The following HSPA14 variants were observed in gnomAD, a reference collection of about 807,000 sequenced individuals.
HSPA14 encodes heat shock 70 kDa protein 14.
Under a neutral mutation model 65.5 loss-of-function variants are expected in HSPA14, and 37 were observed. The ratio of observed to expected loss-of-function variants is 0.56; its 90% CI spans 0.43 to 0.74. The LOEUF is 0.74. HSPA14 is among the 30% of genes least tolerant of loss of function. The pLI is 0.00. For missense variants in HSPA14, 564 were observed against 607.6 expected (o/e 0.93, Z 0.75); for synonymous variants, 203 against 214.2 (o/e 0.95, Z 0.46).
At chr10:14,845,056 A>G (rs1367636416) in intron 3 of HSPA14, 1 of 985,312 alleles carries the variant, frequency 1.0e-6, no homozygotes, top group Admixed American at 6.2e-5. Context: ...GATGGTGTGG[A>G]TAAAGATTGC....
At chr10:14,865,362 A>G (rs1832796219) in intron 10 of HSPA14, among the ~76,000 whole-genome samples, 1 of 151,280 alleles carries the variant, frequency 6.6e-6, no homozygotes, top group Admixed American at 6.6e-5. Context: ...TTTTGTTGCC[A>G]TTGCTTTTGG....
At chr10:14,871,095 A>G (rs1196429291) in intron 13 of HSPA14, among the ~76,000 whole-genome samples, 1 of 152,236 alleles carries the variant, frequency 6.6e-6, no homozygotes, top group Non-Finnish European at 1.5e-5. Context: ...AGCTATCCAT[A>G]TCACTATGTA....
rs747935446 is a variant in HSPA14 at position 14,848,686 on chromosome 10, G to A, written c.270+29G>A. On this transcript the variant is annotated intron_variant, in intron 4 of 13. Coordinates refer to ENST00000378372, the MANE Select transcript of HSPA14 (RefSeq NM_016299.4). The stretch of plus-strand genomic sequence containing the variant: ...AGTATGGTTCTGTTATTGCTTCCCT[G>A]TTACATAGAGTAATTACCAAGGTGA... The A allele has an allele frequency of 4.2e-5, 66 of 1,563,914 alleles. 1 individual carries two copies. The South Asian group carries it at 7.3e-4, about 17-fold the overall frequency.
chr10:14,866,520 G>A (rs764380015), intron 10 of HSPA14, among the ~76,000 whole-genome samples: 3 of 152,088 alleles, frequency 2.0e-5, no homozygotes, highest in Non-Finnish European at 4.4e-5. Context: ...ACAGTTTAAG[G>A]GAGCAATTTT....
chr10:14,843,488 G>C, intron 3 of HSPA14: 2 of 1,550,628 alleles, frequency 1.3e-6, no homozygotes, highest in Admixed American at 2.0e-5. Context: ...CCCAGCCCCT[G>C]CACCAGCACC....
Position 14,842,513 on chromosome 10 carries a change from T to C in HSPA14, c.221+2356T>C. ...TCTGAAGGCATTATATTTAAAGGCC[T>C]ATGTTGCCCATGCCACAAGTATGGG... is the stretch of plus-strand genomic sequence containing the variant. On this transcript the variant is annotated intron_variant, in intron 3 of 13. Transcript: ENST00000378372. The surrounding 1 kb of genome is among the most constrained non-coding windows in gnomAD (Gnocchi z 5.2). 1 of 1,536,158 alleles carries C rather than the reference T, an allele frequency of 6.5e-7. No homozygotes were observed. Among genetic ancestry groups the C allele is most frequent in the Non-Finnish European group, 8.7e-7 (1 of 1,146,922 alleles).
At chr10:14,853,341 C>T (rs1176694805) in intron 8 of HSPA14, among the ~76,000 whole-genome samples, 2 of 152,128 alleles carry the variant, frequency 1.3e-5, no homozygotes, top group South Asian at 2.1e-4. Context: ...TGAAGAAACA[C>T]TTGTAGGTTG....
At chr10:14,860,938 G>A (rs112008562) in intron 10 of HSPA14, among the ~76,000 whole-genome samples, 7 of 152,218 alleles carry the variant, frequency 4.6e-5, no homozygotes, top group East Asian at 1.9e-4. Flanking sequence ...ATCTGGCACC[G>A]GACCAGCCAG....
chr10:14,842,834 T>G lies in HSPA14; in HGVS notation c.221+2677T>G. 1 of 1,532,188 alleles carries G rather than the reference T, an allele frequency of 6.5e-7. No homozygotes were observed. The highest frequency in any genetic ancestry group is 1.2e-5 in the South Asian group (1 of 83,708). The allele number at this position is 1,532,188 out of a possible 1,614,324, so 94.9% of individuals were successfully genotyped here. ...TGACCTTGAGGACTCCTGGGATGAA[T>G]CCTCGGGTGCAGGTAACTCCCAAGC... On this transcript the variant is annotated intron_variant, in intron 3 of 13. Transcript: ENST00000378372. This position sits in a 1 kb window ranked among gnomAD's most constrained non-coding sequence, Gnocchi z 5.2.
rs752243505 is a variant in HSPA14, at chr10:14,840,057, T to C, written c.139-18T>C. The C allele has an allele frequency of 4.1e-6, 5 of 1,224,190 alleles. No homozygotes were observed. In the East Asian group the frequency reaches 1.1e-4, roughly 26 times the overall value. The allele number at this position is 1,224,190 out of a possible 1,614,324, so 75.8% of individuals were successfully genotyped here. On this transcript the variant is annotated intron_variant, in intron 2 of 13. Coordinates refer to ENST00000378372, the MANE Select transcript of HSPA14 (RefSeq NM_016299.4). ...ATACATTGTAATATATATATATATA[T>C]ATTATTTTTTTTTTCAGATTGTTGG...
intron 6 of HSPA14, among the ~76,000 whole-genome samples, chr10:14,850,329 G>C (rs376142820): frequency 4.0e-5 from 6 of 151,326 alleles, no homozygotes; most frequent in African/African-American, 1.5e-4. Context: ...CAGCTGTTTC[G>C]ATCGGAAACA....
chr10:14,859,145 G>C (rs1028711584), intron 10 of HSPA14, among the ~76,000 whole-genome samples: 3 of 152,080 alleles, frequency 2.0e-5, no homozygotes, highest in African/African-American at 7.2e-5. Flanking sequence ...ACCCTGGTTC[G>C]TGCTGTATCT....
Position 14,867,860 on chromosome 10 carries a change from ATGAGTC to A in HSPA14, c.1335_1340del (p.Glu445_Ser446del). ...ATATCTTCAGTGTGCCTTGAACTCT[ATGAGTC>A]TGATGGGAAGAACTCTGCCAAAGAG... is the stretch of plus-strand genomic sequence containing the variant. On this transcript the variant is annotated inframe_deletion, in exon 12 of 14. Coordinates refer to ENST00000378372, the MANE Select transcript of HSPA14 (RefSeq NM_016299.4). 2 of 1,614,138 alleles carry A rather than the reference ATGAGTC, an allele frequency of 1.2e-6. No individual in the cohort carries two copies. Among genetic ancestry groups the A allele is most frequent in the East Asian group, 4.5e-5 (2 of 44,878 alleles).
chr10:14,843,290 T>C (rs777996678), intron 3 of HSPA14: 60 of 1,508,138 alleles, frequency 4.0e-5, no homozygotes, highest in Admixed American at 9.9e-5. Flanking sequence ...AGTTTTATAA[T>C]TTGTCTCAGC....
At position 14,849,806 on chromosome 10, in the gene HSPA14, T is replaced by C. The variant is rs1305011371; in HGVS notation, c.462T>C (p.Ala154=). 10 of 1,605,164 alleles carry C rather than the reference T, an allele frequency of 6.2e-6. No individual in the cohort carries two copies. The highest frequency in any genetic ancestry group is 8.5e-6 in the Non-Finnish European group (10 of 1,172,376). The change falls in exon 6 of 14, where the codon GCT becomes GCC. Residue 154 remains alanine, a synonymous_variant. Transcript: ENST00000378372. ...PFDFGEKQKN[A]LGEAARAAGF... ...ATTTTGGAGAAAAGCAAAAAAATGC[T>C]CTTGGGTAAGTATATGGGGTTTATC...
At chr10:14,856,358 A>AT (rs746701243) in intron 10 of HSPA14, among the ~76,000 whole-genome samples, 24 of 152,184 alleles carry the variant, frequency 1.6e-4, no homozygotes, top group Middle Eastern at 3.2e-3. Flanking sequence ...AGGTACAGAG[A>AT]TTAAGTAGCT....
intron 12 of HSPA14, among the ~76,000 whole-genome samples, chr10:14,869,169 T>C (rs774012429): frequency 2.0e-5 from 3 of 152,068 alleles, no homozygotes; most frequent in Non-Finnish European, 4.4e-5. Flanking sequence ...AGACTAAAAA[T>C]GCCTAGCTTT....
At chr10:14,857,039 T>C (rs1832707878) in intron 10 of HSPA14, among the ~76,000 whole-genome samples, 1 of 152,224 alleles carries the variant, frequency 6.6e-6, no homozygotes, top group Admixed American at 6.5e-5. Context: ...ACAGTTCTAA[T>C]TCTGTATGTA....
intron 3 of HSPA14, chr10:14,843,961 A>G (rs1317659996): frequency 6.6e-7 from 1 of 1,514,878 alleles, no homozygotes; most frequent in Non-Finnish European, 8.8e-7. Context: ...TGCCTTCTGA[A>G]TCCCTGGCTC....
Sources: allele counts gnomAD v4.1 joint callset (sites outside exome capture counted in the v4.1 genomes callset), GRCh38; gene constraint gnomAD v4.1.1; non-coding constraint Gnocchi (gnomAD v3.1); transcripts MANE v1.5; gene names NCBI Gene and HGNC (gene_info 2026-07-23, HGNC 2026-07-21).